The following MAGI2 variants were observed in gnomAD, a reference collection of about 807,000 sequenced individuals.
The protein encoded by MAGI2 is membrane associated guanylate kinase, WW and PDZ domain containing 2.
Under a neutral mutation model 133.3 loss-of-function variants are expected in MAGI2, and 35 were observed. The observed-to-expected ratio is 0.26, with a 90% CI of 0.20 to 0.35. The LOEUF is 0.35. MAGI2 is among the 10% of genes least tolerant of loss of function. The pLI is 1.00. For synonymous variants in MAGI2, 729 were observed against 710.6 expected, an observed-to-expected ratio of 1.03 and a Z score of -0.41; for missense variants, 1,636 against 1,863.4, an observed-to-expected ratio of 0.88 and a Z score of 2.25.
Position 78,780,017 on chromosome 7 carries a change from T to A in MAGI2, c.419-152778A>T, listed in dbSNP as rs1826272131. On this transcript the variant is annotated intron_variant, in intron 2 of 21. Coordinates refer to ENST00000354212, the MANE Select transcript of MAGI2 (RefSeq NM_012301.4). ...GGGACAGAAATTAGAAAGAAAGATA[T>A]TAAGAAATCAAACCCTTAATTAAAT... 2.6e-5 allele frequency among the ~76,000 whole-genome samples: 4 copies of A among 152,200 alleles called. 1 individual carries two copies. In the South Asian group the frequency reaches 8.3e-4, roughly 31 times the overall value.
In MAGI2 at chr7:78,059,810, A is replaced by C. The variant is rs145525851; in HGVS notation, c.3706+19137T>G. On this transcript the variant is annotated intron_variant, in intron 21 of 21. Coordinates refer to ENST00000354212, the MANE Select transcript of MAGI2 (RefSeq NM_012301.4). ...TCTGGAGTCCCTACAGCATCAAACA[A>C]TGGCTGACATATAAGAGGCAAATTT... Among the ~76,000 whole-genome samples, 439 of 151,462 alleles carry C rather than the reference A, an allele frequency of 2.9e-3. 1 individual carries two copies. The highest frequency in any genetic ancestry group is 9.9e-3 in the African/African-American group (408 of 41,194).
intron 10 of MAGI2, among the ~76,000 whole-genome samples, chr7:78,233,568 G>A (rs373953326): frequency 7.0e-4 from 107 of 152,082 alleles, no homozygotes; most frequent in African/African-American, 2.5e-3. Context: ...GCCCATACTT[G>A]GATAATCTTT....
At position 79,359,121 on chromosome 7, in the gene MAGI2, T is replaced by C. The variant is rs140490857; in HGVS notation, c.301+93899A>G. ...TTAACTACAAATCTCTTGAAACAAA[T>C]GAAAACATTAAAAAATCTCCAAGAA... On this transcript the variant is annotated intron_variant, in intron 1 of 21. Coordinates refer to ENST00000354212, the MANE Select transcript of MAGI2 (RefSeq NM_012301.4). Among the ~76,000 whole-genome samples the C allele has an allele frequency of 3.9e-3, 593 of 152,054 alleles. 3 individuals are homozygous for C. Among genetic ancestry groups the C allele is most frequent in the Non-Finnish European group, 6.7e-3 (458 of 67,952 alleles).
intron 1 of MAGI2, among the ~76,000 whole-genome samples, chr7:79,067,516 G>C (rs1814476828): frequency 6.6e-6 from 1 of 152,142 alleles, no homozygotes; most frequent in African/African-American, 2.4e-5. Context: ...TGAGATGATG[G>C]GGTTTTCTAA....
At chr7:78,939,391 G>C (rs1276190882) in intron 2 of MAGI2, among the ~76,000 whole-genome samples, 3 of 152,162 alleles carry the variant, frequency 2.0e-5, no homozygotes, top group African/African-American at 7.2e-5. Context: ...TTGCCATAAA[G>C]AGACGGGGCT....
At chr7:79,122,137 A>T (rs928991132) in intron 1 of MAGI2, among the ~76,000 whole-genome samples, 1 of 152,160 alleles carries the variant, frequency 6.6e-6, no homozygotes, top group Non-Finnish European at 1.5e-5. Flanking sequence ...GTCATTTTGA[A>T]TCTATACTAA....
intron 20 of MAGI2, among the ~76,000 whole-genome samples, chr7:78,083,170 T>A: frequency 6.6e-6 from 1 of 151,850 alleles, no homozygotes; most frequent in East Asian, 1.9e-4. Flanking sequence ...TCGCAGCCCT[T>A]TTAGAAATGA....
At chr7:78,652,623 C>G (rs1256329379) in intron 2 of MAGI2, among the ~76,000 whole-genome samples, 1 of 152,102 alleles carries the variant, frequency 6.6e-6, no homozygotes, top group Non-Finnish European at 1.5e-5. Context: ...AAAATTAACT[C>G]AAGATCAAAT....
At chr7:79,179,944 CT>C (rs1826466482) in intron 1 of MAGI2, among the ~76,000 whole-genome samples, 1 of 151,974 alleles carries the variant, frequency 6.6e-6, no homozygotes, top group Non-Finnish European at 1.5e-5. Context: ...AACTAAAAAG[CT>C]TCTGCACAGC....
chr7:78,736,617 A>G (rs1474840769), intron 2 of MAGI2, among the ~76,000 whole-genome samples: 3 of 152,282 alleles, frequency 2.0e-5, no homozygotes, highest in Admixed American at 6.5e-5. Context: ...CAATTTCATA[A>G]TAGTATTAAT....
intron 3 of MAGI2, among the ~76,000 whole-genome samples, chr7:78,539,442 CTA>C (rs1272336118): frequency 4.6e-5 from 7 of 151,532 alleles, no homozygotes; most frequent in Non-Finnish European, 8.8e-5. Context: ...ATTTTTGTAT[CTA>C]TGTTCATCAG....
chr7:78,464,006 A>G (rs910470152), intron 6 of MAGI2, among the ~76,000 whole-genome samples: 1 of 152,102 alleles, frequency 6.6e-6, no homozygotes, highest in African/African-American at 2.4e-5. Flanking sequence ...GTAAAATGGG[A>G]ATTGTTGCAA....
At chr7:79,396,306 G>C (rs1448489063) in intron 1 of MAGI2, among the ~76,000 whole-genome samples, 1 of 152,074 alleles carries the variant, frequency 6.6e-6, no homozygotes, top group Non-Finnish European at 1.5e-5. Flanking sequence ...GGATGCAGAA[G>C]ACAATGAAGC....
At chr7:78,886,838 T>C (rs979965351) in intron 2 of MAGI2, among the ~76,000 whole-genome samples, 4 of 152,206 alleles carry the variant, frequency 2.6e-5, no homozygotes, top group Non-Finnish European at 5.9e-5. Flanking sequence ...GGTTTGGCTG[T>C]ATCCCCAGTC....
intron 16 of MAGI2, among the ~76,000 whole-genome samples, chr7:78,151,048 CTTTATATTTATA>C (rs3840597): frequency 0.17 from 24,096 of 137,694 alleles, 2,229 homozygotes; most frequent in East Asian, 0.29. Flanking sequence ...GAGTTTGATG[CTTTATATTTATA>C]TTTATATTTA....
chr7:78,395,804 T>C (rs1487243002), intron 6 of MAGI2, among the ~76,000 whole-genome samples: 6 of 152,180 alleles, frequency 3.9e-5, no homozygotes, highest in African/African-American at 1.4e-4. Flanking sequence ...GTGATGAACA[T>C]GTAGATAGAT....
intron 2 of MAGI2, among the ~76,000 whole-genome samples, chr7:78,642,956 G>A (rs763988856): frequency 2.6e-5 from 4 of 152,086 alleles, no homozygotes; most frequent in Non-Finnish European, 5.9e-5. Context: ...TGGGAGTGTG[G>A]GTGTGCCTTG....
chr7:78,328,532 C>CCACACCCCTCT (rs1554346587), intron 9 of MAGI2, among the ~76,000 whole-genome samples: 1 of 133,796 alleles, frequency 7.5e-6, no homozygotes, highest in Non-Finnish European at 1.6e-5. Flanking sequence ...CACACACACC[C>CCACACCCCTCT]CTCTCTCTCT....
intron 6 of MAGI2, among the ~76,000 whole-genome samples, chr7:78,423,951 A>C (rs1220447589): frequency 6.6e-6 from 1 of 152,218 alleles, no homozygotes; most frequent in African/African-American, 2.4e-5. Flanking sequence ...GTAATAGAAA[A>C]GAAAAACCCA....
Sources: gnomAD v4.1 joint callset for allele counts (sites outside exome capture counted in the v4.1 genomes callset) on GRCh38, gnomAD v4.1.1 for gene constraint, MANE v1.5 for transcripts, NCBI Gene and HGNC (gene_info 2026-07-23, HGNC 2026-07-21) for gene names.